Variants in SMARCC1 observed in about 807,000 individuals in gnomAD.
The protein encoded by SMARCC1 is SWI/SNF related BAF chromatin remodeling complex subunit C1.
In SMARCC1, 43 loss-of-function variants were observed where a neutral mutation model predicts 147.4. The ratio of observed to expected loss-of-function variants is 0.29; its 90% CI spans 0.23 to 0.38. The LOEUF is 0.38. SMARCC1 is among the 10% of genes least tolerant of loss of function. The pLI, the probability that SMARCC1 is intolerant of heterozygous loss-of-function variation, is 1.00. For synonymous variants in SMARCC1, 495 were observed against 484.4 expected (o/e 1.02, Z -0.29); for missense variants, 1,119 against 1,381.1 (o/e 0.81, Z 3.01).
intron 11 of SMARCC1, among the ~76,000 whole-genome samples, chr3:47,698,927 A>G (rs568473722): frequency 3.2e-4 from 48 of 152,320 alleles, no homozygotes; most frequent in Admixed American, 1.6e-3. Flanking sequence ...AAATAGTTCA[A>G]TGTGAGAAGT....
chr3:47,697,823 T>C (rs927053888), intron 11 of SMARCC1, among the ~76,000 whole-genome samples: 3 of 150,662 alleles, frequency 2.0e-5, no homozygotes, highest in Non-Finnish European at 4.4e-5. Flanking sequence ...CTGGCTAACA[T>C]GGTGAAACCC....
intron 26 of SMARCC1, among the ~76,000 whole-genome samples, chr3:47,602,548 T>C (rs983726828): frequency 2.6e-5 from 4 of 152,174 alleles, no homozygotes; most frequent in Non-Finnish European, 2.9e-5. Context: ...TCTGCCTGCC[T>C]TGGCCTCCCA....
rs1423998958 is a variant in SMARCC1 at position 47,769,467 on chromosome 3, T to C, written c.315+3350A>G. On this transcript the variant is annotated intron_variant, in intron 2 of 27. Coordinates refer to ENST00000254480, the MANE Select transcript of SMARCC1 (RefSeq NM_003074.4). ...TGGTCTCGATCTCCTGACCTCGTGA[T>C]CCGCCCTCCTCAGCCTCCCAAAGTG... is the stretch of plus-strand genomic sequence containing the variant. Among the ~76,000 whole-genome samples, 4 of 151,806 alleles carry C rather than the reference T, an allele frequency of 2.6e-5. No individual in the cohort carries two copies. The East Asian group carries it at 7.9e-4, about 30-fold the overall frequency.
At chr3:47,594,554 C>T (rs2032238912) in intron 26 of SMARCC1, among the ~76,000 whole-genome samples, 1 of 152,026 alleles carries the variant, frequency 6.6e-6, no homozygotes, top group Admixed American at 6.6e-5. Flanking sequence ...GGCAAGAACA[C>T]TAAAGGCATA....
intron 24 of SMARCC1, among the ~76,000 whole-genome samples, chr3:47,630,111 G>C (rs7653026): frequency 0.017 from 2,396 of 140,252 alleles, 74 homozygotes; most frequent in African/African-American, 0.059. Flanking sequence ...CTTTTTGGCA[G>C]CAGGCACCAG....
At chr3:47,769,913 A>C (rs1385994456) in intron 2 of SMARCC1, among the ~76,000 whole-genome samples, 12 of 152,158 alleles carry the variant, frequency 7.9e-5, no homozygotes, top group Admixed American at 7.9e-4. Flanking sequence ...TCCTAAATGG[A>C]TAAGAGAGTG....
At chr3:47,603,066 A>C (rs979068588) in intron 26 of SMARCC1, among the ~76,000 whole-genome samples, 4 of 152,174 alleles carry the variant, frequency 2.6e-5, no homozygotes, top group African/African-American at 9.7e-5. Context: ...CTTCTAACTT[A>C]ATGATAGGTA....
chr3:47,765,473 A>AG (rs2034828309), intron 2 of SMARCC1, among the ~76,000 whole-genome samples: 1 of 151,824 alleles, frequency 6.6e-6, no homozygotes, highest in Admixed American at 6.6e-5. Flanking sequence ...TTAAAAAAAA[A>AG]AAGAAAGAAA....
Position 47,729,074 on chromosome 3 carries a change from C to G in SMARCC1, c.597G>C (p.Lys199Asn). The G allele has an allele frequency of 1.2e-6, 2 of 1,612,070 alleles. No homozygotes were observed. The highest frequency in any genetic ancestry group is 2.2e-5 in the South Asian group (2 of 90,824). ...GGTAAATGTGGTGGGAAGCTTTTGA[C>G]TTCTCATCCGTAAATGTTCCCTGGA... ...KRHQGTFTDE[K>N]SKASHHIYPY... Residue 199 changes from lysine (K) to asparagine (N), a missense_variant, in exon 6 of 28, where the codon AAG (lysine) becomes AAC (asparagine). Physicochemically the swap from Lys to Asn is moderately conservative, Grantham distance 94. Coordinates refer to ENST00000254480, the MANE Select transcript of SMARCC1 (RefSeq NM_003074.4).
At chr3:47,750,359 C>T (rs1479769993) in intron 2 of SMARCC1, among the ~76,000 whole-genome samples, 6 of 152,046 alleles carry the variant, frequency 3.9e-5, no homozygotes, top group Admixed American at 3.3e-4. Flanking sequence ...CACTTGAACC[C>T]GAGAGGCAGA....
At chr3:47,606,396 C>T (rs775523597) in intron 26 of SMARCC1, among the ~76,000 whole-genome samples, 14 of 152,172 alleles carry the variant, frequency 9.2e-5, no homozygotes, top group Non-Finnish European at 1.5e-4. Flanking sequence ...CAAAGCTATG[C>T]GGCCTTGCCA....
intron 8 of SMARCC1, among the ~76,000 whole-genome samples, chr3:47,712,004 G>A (rs1304576631): frequency 6.6e-6 from 1 of 152,024 alleles, no homozygotes; most frequent in Non-Finnish European, 1.5e-5. Context: ...AGGCTGAGGC[G>A]GGCAGATCAC....
chr3:47,682,118 AC>A (rs1330015167), intron 14 of SMARCC1, among the ~76,000 whole-genome samples: 1 of 151,340 alleles, frequency 6.6e-6, no homozygotes, highest in African/African-American at 2.4e-5. Context: ...GCATGGTGAA[AC>A]CCCGTCTCTA....
intron 18 of SMARCC1, among the ~76,000 whole-genome samples, chr3:47,672,874 G>A (rs1283904924): frequency 6.6e-6 from 1 of 152,018 alleles, no homozygotes; most frequent in Non-Finnish European, 1.5e-5. Flanking sequence ...TTCCTCCTGG[G>A]TTCAAGCGAC....
chr3:47,606,412 C>G (rs1438278467), intron 26 of SMARCC1, among the ~76,000 whole-genome samples: 4 of 152,194 alleles, frequency 2.6e-5, no homozygotes, highest in East Asian at 1.9e-4. Context: ...TGCCATGCAT[C>G]AGTTCTTCAA....
chr3:47,677,401 GT>G (rs34045811), intron 16 of SMARCC1, among the ~76,000 whole-genome samples: 83,290 of 141,086 alleles, frequency 0.59, 25,030 homozygotes, highest in East Asian at 0.72. Flanking sequence ...ATGCCTGGCC[GT>G]TTTTTTTTTT....
intron 6 of SMARCC1, among the ~76,000 whole-genome samples, chr3:47,727,167 G>A (rs1208914258): frequency 3.6e-5 from 5 of 139,612 alleles, no homozygotes; most frequent in African/African-American, 1.1e-4. Flanking sequence ...GCGCCAAGAT[G>A]ACGCCACTAC....
chr3:47,675,914 C>T (rs951834058), intron 17 of SMARCC1, among the ~76,000 whole-genome samples: 5 of 150,392 alleles, frequency 3.3e-5, no homozygotes, highest in Non-Finnish European at 7.4e-5. Context: ...CACTGCACTC[C>T]AGCCGGGGGA....
intron 2 of SMARCC1, among the ~76,000 whole-genome samples, chr3:47,752,478 T>A (rs920153138): frequency 6.6e-6 from 1 of 152,136 alleles, no homozygotes; most frequent in Non-Finnish European, 1.5e-5. Context: ...TTAATTCGTA[T>A]TGGAAAACCT....
Sources: gnomAD v4.1 joint callset for allele counts (sites outside exome capture counted in the v4.1 genomes callset) on GRCh38, gnomAD v4.1.1 for gene constraint, MANE v1.5 for transcripts, NCBI Gene and HGNC (gene_info 2026-07-23, HGNC 2026-07-21) for gene names.